DYNC2I1: variants seen among roughly 807,000 people sequenced by gnomAD.
The protein encoded by DYNC2I1 is dynein 2 intermediate chain 1.
In DYNC2I1, 89 loss-of-function variants were observed where a neutral mutation model predicts 133.4. The observed-to-expected ratio is 0.67, with a 90% CI of 0.56 to 0.80. The LOEUF (loss-of-function observed/expected upper bound fraction) is 0.80, where lower values mean the gene tolerates loss of function less well. Ranked by LOEUF, DYNC2I1 falls within the 30% of genes least tolerant of loss-of-function variation. The probability of loss-of-function intolerance (pLI) is 0.00; values close to 1 mark genes in which losing one functional copy is unlikely to be tolerated. For missense variants in DYNC2I1, 1,291 were observed against 1,314.5 expected, an observed-to-expected ratio of 0.98 and a Z score of 0.28; for synonymous variants, 504 against 484.3, an observed-to-expected ratio of 1.04 and a Z score of -0.54.
chr7:158,841,750 C>T, the DYNC2I1 span, among the ~76,000 whole-genome samples: 16 of 152,332 alleles, frequency 1.1e-4, no homozygotes, highest in South Asian at 6.2e-4. Flanking sequence ...AAGACAGCGT[C>T]GCAAAGCTCT....
chr7:158,918,684 G>T, intron 14 of DYNC2I1, 56 bp from the exon 15 acceptor site: 1 of 1,581,918 alleles, frequency 6.3e-7, no homozygotes, highest in South Asian at 1.1e-5. Context: ...TTTTTTTTTG[G>T]AAAAGATAAT....
chr7:158,858,153 C>T (rs1841490717), intron 1 of DYNC2I1, among the ~76,000 whole-genome samples: 1 of 152,200 alleles, frequency 6.6e-6, no homozygotes, highest in South Asian at 2.1e-4. Context: ...GCCCTGCACT[C>T]CCCATTTCTC....
intron 1 of DYNC2I1, among the ~76,000 whole-genome samples, chr7:158,867,315 C>A (rs756219703): frequency 6.6e-6 from 1 of 151,880 alleles, no homozygotes; most frequent in Non-Finnish European, 1.5e-5. Flanking sequence ...TAGGGCTGTA[C>A]CCTGTGTTGT....
chr7:158,851,173 A>C, the DYNC2I1 span, among the ~76,000 whole-genome samples: 1 of 152,114 alleles, frequency 6.6e-6, no homozygotes, highest in African/African-American at 2.4e-5. Flanking sequence ...ACATTTAGTA[A>C]GAGTCTTTTC....
At chr7:158,869,768 A>G in intron 1 of DYNC2I1, 87 bp from the exon 2 acceptor site, 1 of 1,017,632 alleles carries the variant, frequency 9.8e-7, no homozygotes, top group Non-Finnish European at 1.5e-6. Context: ...ACTGCCATTG[A>G]TTTAAATGGC....
the DYNC2I1 span, among the ~76,000 whole-genome samples, chr7:158,840,982 C>G: frequency 1.3e-5 from 2 of 152,010 alleles, no homozygotes; most frequent in Admixed American, 1.3e-4. Flanking sequence ...CTGCAACATG[C>G]AATTACAGCA....
rs550053744 is a variant in DYNC2I1 at position 158,871,130 on chromosome 7, C to T, written c.70-12C>T. On this transcript the variant is annotated splice_polypyrimidine_tract_variant and intron_variant, in intron 2 of 24. Coordinates refer to ENST00000407559, the MANE Select transcript of DYNC2I1 (RefSeq NM_018051.5). ...TCCTGGTCACGGAGGACCCTTTGTT[C>T]TCTTGTTTCAGGCCATACAGTCAGG... 1.2e-6 allele frequency: 2 copies of T among 1,603,064 alleles called. No individual in the cohort carries two copies. The highest frequency in any genetic ancestry group is 1.7e-5 in the Admixed American group (1 of 57,414).
chr7:158,892,985 A>C (rs1313130790), intron 8 of DYNC2I1, among the ~76,000 whole-genome samples: 4 of 151,752 alleles, frequency 2.6e-5, no homozygotes, highest in Non-Finnish European at 5.9e-5. Flanking sequence ...GATTTCCCAT[A>C]TACCCCCTCG....
intron 6 of DYNC2I1, among the ~76,000 whole-genome samples, chr7:158,886,037 T>G (rs1281296603): frequency 6.7e-6 from 1 of 148,720 alleles, no homozygotes; most frequent in Non-Finnish European, 1.5e-5. Flanking sequence ...TATTACATAT[T>G]ATATAACATA....
Position 158,906,044 on chromosome 7 carries a change from C to T in DYNC2I1, c.1413C>T (p.Ala471=). The change falls in exon 11 of 25, where the codon GCC becomes GCT. Residue 471 remains alanine (A), a synonymous_variant. Coordinates refer to ENST00000407559, the MANE Select transcript of DYNC2I1 (RefSeq NM_018051.5). The part of the protein sequence containing the change: ...ASVCGIFVDF[A]SASHRQKSRT... ...TTTGTGGAATTTTTGTGGATTTTGC[C>T]TCAGCTTCACACCGTCAAAAGAGTC... is the stretch of plus-strand genomic sequence containing the variant. 1 of 1,613,806 alleles carries T rather than the reference C, an allele frequency of 6.2e-7. No homozygotes were observed. Among genetic ancestry groups the T allele is most frequent in the Non-Finnish European group, 8.5e-7 (1 of 1,179,816 alleles).
intron 8 of DYNC2I1, among the ~76,000 whole-genome samples, chr7:158,896,707 A>C (rs1444001081): frequency 1.3e-5 from 2 of 152,166 alleles, no homozygotes; most frequent in Non-Finnish European, 2.9e-5. Context: ...TCCTGGGCTC[A>C]AGTGATCTTA....
chr7:158,862,727 C>G (rs1482096039), intron 1 of DYNC2I1, among the ~76,000 whole-genome samples: 1 of 151,986 alleles, frequency 6.6e-6, no homozygotes, highest in Non-Finnish European at 1.5e-5. Context: ...TCGCTGACTT[C>G]AAGAATGAAG....
chr7:158,891,795 T>C (rs1370579580), intron 8 of DYNC2I1, among the ~76,000 whole-genome samples: 2 of 152,214 alleles, frequency 1.3e-5, no homozygotes, highest in East Asian at 3.8e-4. Context: ...AAGTTATAAA[T>C]AATTTTCAGA....
the DYNC2I1 span, among the ~76,000 whole-genome samples, chr7:158,846,200 A>G: frequency 2.0e-5 from 3 of 152,354 alleles, no homozygotes; most frequent in African/African-American, 7.2e-5. Context: ...CAGAAGTTGT[A>G]GTGAGCTGAG....
At chr7:158,856,828 C>A in intron 1 of DYNC2I1, 78 bp downstream of exon 1, 1 of 1,214,398 alleles carries the variant, frequency 8.2e-7, no homozygotes, top group Non-Finnish European at 1.0e-6. Context: ...AGCGCCGCCG[C>A]CGCCCTCCCT....
chr7:158,943,182 G>T (rs1419170877), intron 24 of DYNC2I1, among the ~76,000 whole-genome samples: 1 of 152,106 alleles, frequency 6.6e-6, no homozygotes, highest in Non-Finnish European at 1.5e-5. Context: ...TTGATTCCTA[G>T]GTTTACTTAC....
At chr7:158,898,693 C>T (rs1274511408) in intron 8 of DYNC2I1, among the ~76,000 whole-genome samples, 1 of 152,088 alleles carries the variant, frequency 6.6e-6, no homozygotes, top group Non-Finnish European at 1.5e-5. Context: ...CATTGATGTT[C>T]AAAGTAATTA....
Position 158,871,368 on chromosome 7 carries a change from G to A in DYNC2I1, c.296G>A (p.Arg99Gln), listed in dbSNP as rs1045554054. 1.5e-5 allele frequency: 24 copies of A among 1,549,464 alleles called. No individual in the cohort carries two copies. Among genetic ancestry groups the A allele is most frequent in the Non-Finnish European group, 1.6e-5 (18 of 1,145,622 alleles). The change falls in exon 3 of 25, where the codon CGG (arginine) becomes CAG (glutamine). Residue 99 changes from arginine to glutamine, a missense_variant. Arg to Gln is a conservative substitution (Grantham distance 43, BLOSUM62 1). Coordinates refer to ENST00000407559, the MANE Select transcript of DYNC2I1 (RefSeq NM_018051.5). ...GAGAGGAGAAGAGACGCAAAAGACC[G>A]GGAGAAAGAAAAGCTGAAGGAGAAA... ...QRERRRDAKDREKEKLKEKHR... is the reference protein window; with the variant it reads ...QRERRRDAKDQEKEKLKEKHR...
rs773121635 is a variant in DYNC2I1, at chr7:158,871,181, A to G, written c.109A>G (p.Arg37Gly). 6 of 1,613,702 alleles carry G rather than the reference A, an allele frequency of 3.7e-6. No individual in the cohort carries two copies. The highest frequency in any genetic ancestry group is 5.1e-6 in the Non-Finnish European group (6 of 1,179,710). Residue 37 changes from arginine to glycine, a missense_variant, in exon 3 of 25, where the codon AGA (arginine) becomes GGA (glycine). Physicochemically the swap from Arg to Gly is moderately radical, Grantham distance 125. Transcript: ENST00000407559. ...TGGTTCCAAGGAAGAAAGAAAGCAC[A>G]GAGAGAAGAAGCTGCGTAAGGAGTC... is the stretch of plus-strand genomic sequence containing the variant. Reference protein sequence around the residue: ...SGGSKEERKHREKKLRKESEM... With the variant: ...SGGSKEERKHGEKKLRKESEM...
Sources: allele counts gnomAD v4.1 joint callset (sites outside exome capture counted in the v4.1 genomes callset), GRCh38; gene constraint gnomAD v4.1.1; transcripts MANE v1.5; gene names NCBI Gene and HGNC (gene_info 2026-07-23, HGNC 2026-07-21).